PEBP4: variants seen among roughly 807,000 people sequenced by gnomAD.
PEBP4 encodes the protein phosphatidylethanolamine-binding protein 4.
In PEBP4, 22 loss-of-function variants were observed where a neutral mutation model predicts 23.9. That is an observed-to-expected ratio of 0.92 (90% confidence interval 0.66 to 1.31). The LOEUF is 1.31. Among genes scored for constraint, PEBP4 ranks in the 40% most tolerant of loss-of-function variants. The pLI is 0.00. For synonymous variants in PEBP4, 112 were observed against 99.3 expected (o/e 1.13, Z -0.76); for missense variants, 324 against 281.7 (o/e 1.15, Z -1.07).
intron 3 of PEBP4, among the ~76,000 whole-genome samples, chr8:22,902,057 G>A (rs1327118971): frequency 6.6e-6 from 1 of 152,202 alleles, no homozygotes; most frequent in Admixed American, 6.5e-5. Context: ...AGTGGCTCAT[G>A]CCTGTAATCC....
chr8:22,812,776 G>A (rs1244742119), intron 4 of PEBP4, among the ~76,000 whole-genome samples: 1 of 152,062 alleles, frequency 6.6e-6, no homozygotes, highest in Non-Finnish European at 1.5e-5. Flanking sequence ...TTTTTATATC[G>A]ATATATTTAA....
intron 3 of PEBP4, among the ~76,000 whole-genome samples, chr8:22,881,256 G>A (rs913392765): frequency 4.6e-5 from 7 of 152,180 alleles, no homozygotes; most frequent in African/African-American, 1.2e-4. Context: ...GCCTAAGGGC[G>A]GTAGTTGCTC....
chr8:22,807,894 T>C (rs74991691), intron 4 of PEBP4, among the ~76,000 whole-genome samples: 1 of 124,450 alleles, frequency 8.0e-6, no homozygotes, highest in South Asian at 2.9e-4. Flanking sequence ...CATCCATCCA[T>C]CCACCCACCC....
chr8:22,830,603 C>T (rs1270767390), intron 3 of PEBP4, among the ~76,000 whole-genome samples: 1 of 152,204 alleles, frequency 6.6e-6, no homozygotes, highest in Non-Finnish European at 1.5e-5. Flanking sequence ...ACCTCACACT[C>T]ATCATGTCCA....
At chr8:22,825,296 G>A (rs1249808928) in intron 3 of PEBP4, among the ~76,000 whole-genome samples, 1 of 152,214 alleles carries the variant, frequency 6.6e-6, no homozygotes, top group Non-Finnish European at 1.5e-5. Flanking sequence ...ATGGAATAGT[G>A]TTCAGAGGAG....
At chr8:22,755,218 C>G (rs1246294522) in intron 4 of PEBP4, among the ~76,000 whole-genome samples, 4 of 152,012 alleles carry the variant, frequency 2.6e-5, no homozygotes, top group Admixed American at 2.6e-4. Flanking sequence ...GCTTCTGCTC[C>G]TGGCTTTCTA....
intron 4 of PEBP4, among the ~76,000 whole-genome samples, chr8:22,810,448 C>T (rs947215987): frequency 6.6e-6 from 1 of 152,152 alleles, no homozygotes; most frequent in Admixed American, 6.5e-5. Context: ...CCCCTCGCTT[C>T]CTAAGAGCAT....
chr8:22,767,309 G>A (rs370798580), intron 4 of PEBP4, among the ~76,000 whole-genome samples: 1 of 152,228 alleles, frequency 6.6e-6, no homozygotes, highest in Non-Finnish European at 1.5e-5. Flanking sequence ...ACCAGCAGTT[G>A]TGAGATGTAT....
rs1346252387 is a variant in PEBP4, at chr8:22,927,813, G to T, written c.-7+10C>A. On this transcript the variant is annotated intron_variant, in intron 1 of 6. Coordinates refer to ENST00000256404, the MANE Select transcript of PEBP4 (RefSeq NM_144962.3). The stretch of plus-strand genomic sequence containing the variant: ...CCCGACCCCAGGGGCCCACTTGGCA[G>T]GATAGAGACCTCTGGTTAAGCACAG... The T allele has an allele frequency of 3.3e-6, 5 of 1,508,876 alleles. No individual in the cohort carries two copies. Among genetic ancestry groups the T allele is most frequent in the Non-Finnish European group, 4.5e-6 (5 of 1,110,030 alleles). 93.5% of individuals were successfully genotyped at this position (1,508,876 alleles called of 1,614,324 possible). A position where few individuals can be genotyped will look rare whatever the true frequency, so the allele number is the denominator to read the frequency against.
intron 4 of PEBP4, among the ~76,000 whole-genome samples, chr8:22,784,713 T>C (rs1236406285): frequency 2.0e-5 from 3 of 152,238 alleles, no homozygotes; most frequent in Non-Finnish European, 2.9e-5. Context: ...CCTTGCATGT[T>C]AAATGAAACA....
At chr8:22,731,172 A>G (rs1426920556) in intron 4 of PEBP4, among the ~76,000 whole-genome samples, 2 of 152,202 alleles carry the variant, frequency 1.3e-5, no homozygotes, top group African/African-American at 4.8e-5. Context: ...ACCTATAAAC[A>G]GATGTTTTTT....
chr8:22,793,758 G>A (rs1329935123), intron 4 of PEBP4, among the ~76,000 whole-genome samples: 1 of 152,026 alleles, frequency 6.6e-6, no homozygotes, highest in Non-Finnish European at 1.5e-5. Context: ...AACACGCCCT[G>A]CCTTATTTTG....
intron 3 of PEBP4, among the ~76,000 whole-genome samples, chr8:22,909,026 C>G (rs1466325932): frequency 1.3e-5 from 2 of 152,170 alleles, no homozygotes; most frequent in Non-Finnish European, 2.9e-5. Context: ...GAGAGGTGAA[C>G]CCACCCGACC....
At chr8:22,817,889 C>T (rs548668776) in intron 3 of PEBP4, among the ~76,000 whole-genome samples, 154 bp from the exon 4 acceptor site, 1 of 152,222 alleles carries the variant, frequency 6.6e-6, no homozygotes, top group Non-Finnish European at 1.5e-5. Flanking sequence ...TGACATCCCT[C>T]TCACATCACG....
At chr8:22,887,852 A>C (rs576586849) in intron 3 of PEBP4, 1 of 152,182 alleles carries the variant, frequency 6.6e-6, no homozygotes, top group Non-Finnish European at 1.5e-5. Context: ...TCTCTGGAGA[A>C]TACAAACGCA....
chr8:22,907,646 G>A (rs1022939593), intron 3 of PEBP4, among the ~76,000 whole-genome samples: 2 of 152,208 alleles, frequency 1.3e-5, no homozygotes, highest in African/African-American at 4.8e-5. Context: ...CCAGGTCTGG[G>A]AAGCCACTGT....
chr8:22,771,359 C>T (rs1805713602), intron 4 of PEBP4, among the ~76,000 whole-genome samples: 1 of 152,100 alleles, frequency 6.6e-6, no homozygotes, highest in South Asian at 2.1e-4. Context: ...CATGGTGGCG[C>T]ATGCCTGTAG....
intron 3 of PEBP4, among the ~76,000 whole-genome samples, chr8:22,829,902 T>C (rs1425111292): frequency 1.3e-5 from 2 of 152,218 alleles, no homozygotes; most frequent in African/African-American, 4.8e-5. Flanking sequence ...CCATCGCTTC[T>C]GCTGCAGCCC....
chr8:22,875,655 G>A (rs1321956587), intron 3 of PEBP4, among the ~76,000 whole-genome samples: 1 of 152,154 alleles, frequency 6.6e-6, no homozygotes, highest in Non-Finnish European at 1.5e-5. Context: ...GAAGGCTGAA[G>A]CTGGGAATTA....
Sources: allele counts gnomAD v4.1 joint callset (sites outside exome capture counted in the v4.1 genomes callset), GRCh38; gene constraint gnomAD v4.1.1; transcripts MANE v1.5; gene names NCBI Gene and HGNC (gene_info 2026-07-23, HGNC 2026-07-21).